PCDHA5: variants seen among roughly 807,000 people sequenced by gnomAD.
PCDHA5 encodes protocadherin alpha 5.
PCDHA5 carries 43 observed loss-of-function variants against 61.6 expected under a neutral mutation model. That is an observed-to-expected ratio of 0.70 (90% confidence interval 0.55 to 0.90). The LOEUF is 0.90. Among genes scored for constraint, PCDHA5 ranks in the 40% least tolerant of loss-of-function variants. PCDHA5 has a pLI of 0.00. For synonymous variants in PCDHA5, 627 were observed against 543.9 expected (o/e 1.15, Z -2.13); for missense variants, 1,298 against 1,222.7 (o/e 1.06, Z -0.92).
intron 3 of PCDHA5, among the ~76,000 whole-genome samples, chr5:140,995,639 A>G (rs1410943855): frequency 6.6e-6 from 1 of 152,190 alleles, no homozygotes; most frequent in Non-Finnish European, 1.5e-5. Context: ...TGGAGTGTTT[A>G]GAAAAGGAGA....
chr5:140,898,506 G>A (rs1185053384), intron 1 of PCDHA5, among the ~76,000 whole-genome samples: 2 of 152,132 alleles, frequency 1.3e-5, no homozygotes, highest in Admixed American at 1.3e-4. Context: ...TTGTAGATAT[G>A]CGGCGTTATT....
intron 1 of PCDHA5, among the ~76,000 whole-genome samples, chr5:140,873,716 A>G (rs1476838319): frequency 6.6e-6 from 1 of 152,184 alleles, no homozygotes; most frequent in Non-Finnish European, 1.5e-5. Context: ...GCTGGTGTGC[A>G]GTGGCGCAAT....
chr5:140,988,551 ATCT>A (rs1472655983), intron 3 of PCDHA5, among the ~76,000 whole-genome samples: 4 of 152,158 alleles, frequency 2.6e-5, no homozygotes, highest in South Asian at 2.1e-4. Flanking sequence ...GACTTTCTTC[ATCT>A]TCTTCTTGGG....
intron 1 of PCDHA5, chr5:140,882,952 G>A (rs782634608): frequency 3.7e-6 from 6 of 1,614,048 alleles, no homozygotes; most frequent in Non-Finnish European, 5.1e-6. Flanking sequence ...CAGTTCAGCT[G>A]CTCATCACGA....
At chr5:140,963,319 G>T (rs1554226565) in intron 1 of PCDHA5, among the ~76,000 whole-genome samples, 1 of 152,174 alleles carries the variant, frequency 6.6e-6, no homozygotes, top group East Asian at 1.9e-4. Flanking sequence ...GTTTGTATTA[G>T]AATTACACAG....
At chr5:140,881,382 C>A in intron 1 of PCDHA5, 1 of 984,112 alleles carries the variant, frequency 1.0e-6, no homozygotes, top group Non-Finnish European at 1.2e-6. Context: ...CAGCCGGCGG[C>A]GGTAAGTTAA....
chr5:140,969,068 A>C (rs2096293164), intron 1 of PCDHA5: 2 of 1,614,046 alleles, frequency 1.2e-6, no homozygotes, highest in South Asian at 2.2e-5. Flanking sequence ...TGATGCCAGG[A>C]TACCGCATGG....
intron 1 of PCDHA5, chr5:140,878,017 G>A: frequency 1.2e-6 from 1 of 800,034 alleles, no homozygotes; most frequent in Non-Finnish European, 1.8e-6. Flanking sequence ...ATTAATGAAG[G>A]AAATATGTAG....
At chr5:140,923,423 G>A (rs533295733) in intron 1 of PCDHA5, among the ~76,000 whole-genome samples, 1 of 152,142 alleles carries the variant, frequency 6.6e-6, no homozygotes. Context: ...GGCTACTTGG[G>A]AGGCTGGGGT....
At chr5:140,868,887 GGC>G in intron 1 of PCDHA5, 1 of 740,170 alleles carries the variant, frequency 1.4e-6, no homozygotes, top group Non-Finnish European at 2.1e-6. Context: ...CACAGTTTTA[GGC>G]GCAAGGTGTC....
At chr5:140,926,946 A>C in intron 1 of PCDHA5, 1 of 1,590,228 alleles carries the variant, frequency 6.3e-7, no homozygotes, top group Non-Finnish European at 8.6e-7. Context: ...GCGGCGCTGC[A>C]GCGGGACAGC....
intron 1 of PCDHA5, among the ~76,000 whole-genome samples, chr5:140,950,272 C>G (rs928839890): frequency 2.0e-5 from 3 of 151,950 alleles, no homozygotes; most frequent in Non-Finnish European, 4.4e-5. Flanking sequence ...TCCATAATGT[C>G]TTTTTGCTTC....
At position 140,912,557 on chromosome 5, in the gene PCDHA5, A is replaced by T. The variant is rs1220242152; in HGVS notation, c.2353-66392A>T. On this transcript the variant is annotated intron_variant, in intron 1 of 3. Transcript: ENST00000529859. ...GATCATATTGTCAGCAAACAGCAAC[A>T]GTTTTAACTTCCTCTTTTCCAATTT... Among the ~76,000 whole-genome samples the T allele has an allele frequency of 4.6e-5, 7 of 152,154 alleles. No individual in the cohort carries two copies. The South Asian group carries it at 1.5e-3, about 32-fold the overall frequency.
At chr5:140,940,616 G>A (rs1554213527) in intron 1 of PCDHA5, among the ~76,000 whole-genome samples, 3 of 152,002 alleles carry the variant, frequency 2.0e-5, no homozygotes, top group Non-Finnish European at 4.4e-5. Flanking sequence ...CCTGGCTCCT[G>A]CAAATATTCT....
At chr5:140,964,262 A>C (rs1327933465) in intron 1 of PCDHA5, among the ~76,000 whole-genome samples, 1 of 152,206 alleles carries the variant, frequency 6.6e-6, no homozygotes, top group Non-Finnish European at 1.5e-5. Context: ...TTGACTCCTT[A>C]ATAATTAAGG....
chr5:140,823,472 T>C lies in PCDHA5; in HGVS notation c.1697T>C (p.Val566Ala), dbSNP rs2150126128. 4.3e-6 allele frequency: 7 copies of C among 1,613,286 alleles called. No individual in the cohort carries two copies. The African/African-American group carries it at 5.3e-5, about 12-fold the overall frequency. The change falls in exon 1 of 4, where the codon GTG becomes GCG. Residue 566 changes from valine (V) to alanine (A), a missense_variant. Val to Ala is a moderately conservative substitution (Grantham distance 64). Coordinates refer to ENST00000529859, the MANE Select transcript of PCDHA5 (RefSeq NM_018908.3). ...AACGACAACGCGCCGGCGCTGCTGG[T>C]GCCTCGAGTGGGTGGCACCGGCGGC... ...DENDNAPALL[V>A]PRVGGTGGAV...
rs142949338 is a variant in PCDHA5 at position 140,927,554 on chromosome 5, T to G, written c.2353-51395T>G. On this transcript the variant is annotated intron_variant, in intron 1 of 3. Coordinates refer to ENST00000529859, the MANE Select transcript of PCDHA5 (RefSeq NM_018908.3). ...CGCTCAGGAGACGCACAAGTCACCA[T>G]CATTGTGGTGGACACAAATGACAAC... The G allele has an allele frequency of 5.6e-6, 9 of 1,614,020 alleles. No individual in the cohort carries two copies. The African/African-American group carries it at 1.1e-4, about 19-fold the overall frequency.
chr5:140,850,687 A>C lies in PCDHA5; in HGVS notation c.2352+26560A>C, dbSNP rs1159294242. The C allele has an allele frequency of 1.3e-5, 21 of 1,597,676 alleles. 1 individual carries two copies. The highest frequency in any genetic ancestry group is 3.4e-5 in the Admixed American group (2 of 59,228). ...TGCTCGGCGATGCCCACCGAGGGCG[A>C]GTGCGCGCCTGGCAAGCCGACGCTG... On this transcript the variant is annotated intron_variant, in intron 1 of 3. Transcript: ENST00000529859.
At position 141,009,759 on chromosome 5, in the gene PCDHA5, G is replaced by T. The variant is rs200822345; in HGVS notation, c.2633G>T (p.Gly878Val). The change falls in exon 4 of 4, where the codon GGA becomes GTA. Residue 878 changes from glycine to valine, a missense_variant. By Grantham distance (109) the Gly-to-Val change is moderately radical. Transcript: ENST00000529859. ...GELPDKFIIP[G>V]SPAIISIRQE... ...TTGCCCGACAAATTCATTATCCCAG[G>T]ATCTCCTGCAATCATCTCCATCCGG... The T allele has an allele frequency of 6.7e-5, 108 of 1,614,082 alleles. 1 individual carries two copies. The East Asian group carries it at 2.2e-3, about 33-fold the overall frequency.
Sources: gnomAD v4.1 joint callset for allele counts (sites outside exome capture counted in the v4.1 genomes callset) on GRCh38, gnomAD v4.1.1 for gene constraint, MANE v1.5 for transcripts, NCBI Gene and HGNC (gene_info 2026-07-23, HGNC 2026-07-21) for gene names.